Variants in STIM1 observed in about 807,000 individuals in gnomAD.
STIM1 encodes stromal interaction molecule 1.
A neutral mutation model predicts 74.7 loss-of-function variants in STIM1; 25 were observed. The ratio of observed to expected loss-of-function variants is 0.33; its 90% CI spans 0.24 to 0.47. The LOEUF is 0.47. Ranked by LOEUF, STIM1 falls within the 20% of genes least tolerant of loss-of-function variation. The probability of loss-of-function intolerance (pLI) is 1.00; values close to 1 mark genes in which losing one functional copy is unlikely to be tolerated. For missense variants in STIM1, 728 were observed against 920.8 expected, an observed-to-expected ratio of 0.79 and a Z score of 2.71; for synonymous variants, 328 against 348.8, an observed-to-expected ratio of 0.94 and a Z score of 0.66.
chr11:4,070,030 T>A lies in STIM1; in HGVS notation c.618T>A (p.Thr206=), dbSNP rs2094394057. 1 of 1,613,984 alleles carries A rather than the reference T, an allele frequency of 6.2e-7. No individual in the cohort carries two copies. The highest frequency in any genetic ancestry group is 8.5e-7 in the Non-Finnish European group (1 of 1,180,046). ...DTVLFGPPLL[T]RHNHLKDFML... The stretch of plus-strand genomic sequence containing the variant: ...ATGCCCTCCCCTCTCTGGCAGTGAC[T>A]CGCCATAATCACCTCAAGGACTTCA... The change falls in exon 6 of 13, where the codon ACT becomes ACA. Residue 206 remains threonine (T), a synonymous_variant. Transcript: ENST00000526596.
rs557712053 is a variant in STIM1, at chr11:4,058,548, C to A, written c.498-733C>A. ...ACCAGTGGTTTTCAACCTTTCATATCTTTTACCCCCCTCCTCTTATATCCA... is the reference window on the plus strand; with the variant it reads ...ACCAGTGGTTTTCAACCTTTCATATATTTTACCCCCCTCCTCTTATATCCA... On this transcript the variant is annotated intron_variant, in intron 4 of 12. Transcript: ENST00000526596. Among the ~76,000 whole-genome samples the A allele has an allele frequency of 1.2e-3, 178 of 152,300 alleles. 2 individuals are homozygous for A. The highest frequency in any genetic ancestry group is 4.2e-3 in the African/African-American group (173 of 41,564).
chr11:4,074,313 G>A (rs1035226571), intron 6 of STIM1, among the ~76,000 whole-genome samples, 189 bp from the exon 7 acceptor site: 4 of 152,250 alleles, frequency 2.6e-5, no homozygotes, highest in Admixed American at 2.0e-4. Context: ...GATGGTCAGT[G>A]TGTGAATTAG....
chr11:3,941,585 ATGTGTGTGTGTG>A (rs111336047), intron 1 of STIM1, among the ~76,000 whole-genome samples: 3 of 139,578 alleles, frequency 2.1e-5, no homozygotes, highest in Non-Finnish European at 4.6e-5. Flanking sequence ...AAGCATATAT[ATGTGTGTGTGTG>A]TGTGTGTGTG....
intron 2 of STIM1, among the ~76,000 whole-genome samples, chr11:4,009,632 A>AATG (rs2135951280): frequency 6.6e-6 from 1 of 151,554 alleles, no homozygotes; most frequent in Non-Finnish European, 1.5e-5. Context: ...TAATAATAAT[A>AATG]ATAAATAAAG....
At chr11:4,009,475 G>A (rs1425492495) in intron 2 of STIM1, among the ~76,000 whole-genome samples, 3 of 151,660 alleles carry the variant, frequency 2.0e-5, no homozygotes, top group Non-Finnish European at 2.9e-5. Flanking sequence ...TAGCATGATG[G>A]TGGGCGCCTG....
intron 2 of STIM1, among the ~76,000 whole-genome samples, chr11:4,003,736 A>G (rs543963255): frequency 6.6e-6 from 1 of 152,334 alleles, no homozygotes; most frequent in African/African-American, 2.4e-5. Flanking sequence ...AGTTCTGGCC[A>G]GGGCAACTAG....
chr11:4,090,074 C>T (rs557407783), intron 12 of STIM1, among the ~76,000 whole-genome samples: 2 of 152,244 alleles, frequency 1.3e-5, no homozygotes, highest in African/African-American at 4.8e-5. Flanking sequence ...GTCCAGTGTG[C>T]GGTGGCATGT....
At chr11:3,944,960 CA>C (rs1411489098) in intron 1 of STIM1, among the ~76,000 whole-genome samples, 1 of 152,142 alleles carries the variant, frequency 6.6e-6, no homozygotes, top group African/African-American at 2.4e-5. Flanking sequence ...ACGGGTGACC[CA>C]GTTGTCCCAG....
chr11:3,945,047 G>A (rs920863615), intron 1 of STIM1, among the ~76,000 whole-genome samples: 2 of 152,162 alleles, frequency 1.3e-5, no homozygotes, highest in African/African-American at 4.8e-5. Context: ...TTGTTTGGAG[G>A]TAGCTATTAG....
chr11:4,045,719 T>C (rs2133025276), intron 3 of STIM1, among the ~76,000 whole-genome samples: 1 of 151,374 alleles, frequency 6.6e-6, no homozygotes, highest in East Asian at 1.9e-4. Context: ...CCCTATGTGC[T>C]GGGATTATAG....
intron 1 of STIM1, among the ~76,000 whole-genome samples, chr11:3,967,074 A>T (rs1396769545): frequency 6.6e-6 from 1 of 152,178 alleles, no homozygotes; most frequent in Non-Finnish European, 1.5e-5. Context: ...CAAAAAGGAA[A>T]ATTACACATC....
intron 2 of STIM1, among the ~76,000 whole-genome samples, chr11:3,981,653 T>C (rs2093506303): frequency 6.6e-6 from 1 of 152,194 alleles, no homozygotes; most frequent in Non-Finnish European, 1.5e-5. Context: ...GGGTTGTTTT[T>C]CTGGAGTTGC....
intron 2 of STIM1, among the ~76,000 whole-genome samples, chr11:4,012,667 C>T (rs770957174): frequency 6.6e-6 from 1 of 152,186 alleles, no homozygotes; most frequent in Non-Finnish European, 1.5e-5. Context: ...ATGTCATCTG[C>T]AAACAGGGAC....
At chr11:3,881,140 T>A (rs1323835013) in intron 1 of STIM1, among the ~76,000 whole-genome samples, 1 of 151,696 alleles carries the variant, frequency 6.6e-6, no homozygotes, top group East Asian at 1.9e-4. Context: ...TTAATCATTT[T>A]AAAGTGTACA....
intron 7 of STIM1, among the ~76,000 whole-genome samples, chr11:4,081,274 CATAATGTCTGTAT>C (rs1175462675): frequency 6.6e-6 from 1 of 152,230 alleles, no homozygotes; most frequent in African/African-American, 2.4e-5. Flanking sequence ...ACTCAGTGTA[CATAATGTCTGTAT>C]GTACTTTCAA....
chr11:3,952,043 A>G (rs747369164), intron 1 of STIM1, among the ~76,000 whole-genome samples: 64 of 152,110 alleles, frequency 4.2e-4, no homozygotes, highest in Non-Finnish European at 1.8e-4. Flanking sequence ...TAGACCAGAT[A>G]TTGTGCTGCC....
chr11:4,039,053 A>G (rs2920144), intron 3 of STIM1, among the ~76,000 whole-genome samples: 65,773 of 152,002 alleles, frequency 0.43, 16,591 homozygotes, highest in Non-Finnish European at 0.57. Context: ...CTTGTGTAGG[A>G]GTAGCGATAA....
At chr11:3,977,054 G>A (rs971919101) in intron 2 of STIM1, among the ~76,000 whole-genome samples, 12 of 149,694 alleles carry the variant, frequency 8.0e-5, no homozygotes, top group African/African-American at 2.7e-4. Context: ...CTCCAGCTCC[G>A]AAAGTGCTGG....
intron 1 of STIM1, among the ~76,000 whole-genome samples, chr11:3,859,466 G>A (rs1262631984): frequency 1.3e-5 from 2 of 152,184 alleles, no homozygotes; most frequent in African/African-American, 4.8e-5. Context: ...AACAACAATG[G>A]TTTCTGTAGA....
Sources: gnomAD v4.1 joint callset for allele counts (sites outside exome capture counted in the v4.1 genomes callset) on GRCh38, gnomAD v4.1.1 for gene constraint, MANE v1.5 for transcripts, NCBI Gene and HGNC (gene_info 2026-07-23, HGNC 2026-07-21) for gene names.